NGEF: variants seen among roughly 807,000 people sequenced by gnomAD.
The protein encoded by NGEF is ephexin-1.
A neutral mutation model predicts 80.9 loss-of-function variants in NGEF; 31 were observed. The observed-to-expected ratio is 0.38, with a 90% CI of 0.29 to 0.52. NGEF has a LOEUF of 0.52. Ranked by LOEUF, NGEF falls within the 20% of genes least tolerant of loss-of-function variation. The probability of loss-of-function intolerance (pLI) is 0.84; values close to 1 mark genes in which losing one functional copy is unlikely to be tolerated. For missense variants in NGEF, 709 were observed against 926.2 expected, an observed-to-expected ratio of 0.77 and a Z score of 3.04; for synonymous variants, 371 against 370.2, an observed-to-expected ratio of 1.00 and a Z score of -0.03.
intron 5 of NGEF, among the ~76,000 whole-genome samples, chr2:232,908,929 T>G (rs1044085105): frequency 6.6e-6 from 1 of 152,210 alleles, no homozygotes; most frequent in Non-Finnish European, 1.5e-5. Flanking sequence ...CATGTTTATC[T>G]TACAACCAGC....
chr2:233,001,594 C>T (rs915310998), intron 1 of NGEF, among the ~76,000 whole-genome samples: 13 of 152,198 alleles, frequency 8.5e-5, no homozygotes, highest in Admixed American at 5.9e-4. Context: ...TGAGGTCGTG[C>T]GGGCCATGGG....
At chr2:232,985,389 G>A (rs1694510530) in intron 1 of NGEF, among the ~76,000 whole-genome samples, 1 of 152,106 alleles carries the variant, frequency 6.6e-6, no homozygotes. Flanking sequence ...GGCCGAGGCG[G>A]GCAGATCACC....
At chr2:232,948,993 G>A (rs1356664182) in intron 3 of NGEF, among the ~76,000 whole-genome samples, 1 of 151,968 alleles carries the variant, frequency 6.6e-6, no homozygotes, top group East Asian at 1.9e-4. Flanking sequence ...ACTCCAGCCT[G>A]GGCAACAGAG....
chr2:232,890,657 C>A (rs565097301), intron 8 of NGEF, among the ~76,000 whole-genome samples: 42 of 152,270 alleles, frequency 2.8e-4, no homozygotes, highest in Non-Finnish European at 5.4e-4. Context: ...ACTCTCAGTC[C>A]TTCTCTCAGC....
intron 5 of NGEF, among the ~76,000 whole-genome samples, chr2:232,904,888 A>G (rs889210517): frequency 6.6e-6 from 1 of 152,188 alleles, no homozygotes; most frequent in African/African-American, 2.4e-5. Flanking sequence ...GGCTTCAGTG[A>G]GCTGTGATCG....
intron 7 of NGEF, 61 bp from the exon 8 acceptor site, chr2:232,891,548 C>T: frequency 7.8e-6 from 12 of 1,540,102 alleles, no homozygotes; most frequent in Middle Eastern, 2.0e-4. Flanking sequence ...CTGGAGACTC[C>T]TCCTCCCCAT....
chr2:232,962,007 A>G (rs1554219), intron 3 of NGEF, among the ~76,000 whole-genome samples: 2,394 of 152,286 alleles, frequency 0.016, 65 homozygotes, highest in African/African-American at 0.055. Context: ...TCTTATAAAG[A>G]TGGAAAGATG....
intron 1 of NGEF, among the ~76,000 whole-genome samples, chr2:232,993,153 A>ATATATAT (rs1559238286): frequency 1.2e-5 from 1 of 85,028 alleles, no homozygotes; most frequent in Admixed American, 1.3e-4. Context: ...ATATATGGGC[A>ATATATAT]AATATATATA....
chr2:232,990,334 C>G (rs1230353229), intron 1 of NGEF, among the ~76,000 whole-genome samples: 2 of 151,916 alleles, frequency 1.3e-5, no homozygotes, highest in Non-Finnish European at 2.9e-5. Flanking sequence ...TACAAACAAC[C>G]TATATAAAGG....
chr2:232,946,928 A>AGAAAACAAACC (rs79708270), intron 3 of NGEF, among the ~76,000 whole-genome samples: 45,066 of 151,528 alleles, frequency 0.3, 7,447 homozygotes, highest in Middle Eastern at 0.42. Flanking sequence ...AAAACAAACC[A>AGAAAACAAACC]AAAAACAAAG....
At chr2:232,923,079 A>G (rs1692979044) in intron 4 of NGEF, among the ~76,000 whole-genome samples, 1 of 151,904 alleles carries the variant, frequency 6.6e-6, no homozygotes, top group Admixed American at 6.6e-5. Context: ...TCAGAAAAAA[A>G]AACAAAAAAC....
chr2:232,881,577 A>G (rs1691506297), intron 13 of NGEF, among the ~76,000 whole-genome samples: 1 of 152,042 alleles, frequency 6.6e-6, no homozygotes, highest in Non-Finnish European at 1.5e-5. Context: ...GCTTCTCCAT[A>G]AGGCAGCTGA....
At chr2:232,946,508 G>C (rs1304957205) in intron 3 of NGEF, among the ~76,000 whole-genome samples, 1 of 152,172 alleles carries the variant, frequency 6.6e-6, no homozygotes, top group African/African-American at 2.4e-5. Flanking sequence ...ATTGGAATTA[G>C]GGTATTCATG....
chr2:232,887,079 T>TG (rs1178367567), intron 9 of NGEF, among the ~76,000 whole-genome samples: 2 of 152,222 alleles, frequency 1.3e-5, no homozygotes, highest in African/African-American at 2.4e-5. Flanking sequence ...TGGCTGAGAA[T>TG]GACCATCAGA....
intron 1 of NGEF, among the ~76,000 whole-genome samples, chr2:232,975,771 ATTC>A (rs1344781435): frequency 6.6e-6 from 1 of 152,120 alleles, no homozygotes; most frequent in East Asian, 1.9e-4. Context: ...CGAGCTAGGA[ATTC>A]TTCTCAGCTC....
intron 13 of NGEF, among the ~76,000 whole-genome samples, chr2:232,881,852 C>T (rs142432354): frequency 1.9e-3 from 297 of 152,326 alleles, no homozygotes; most frequent in African/African-American, 6.9e-3. Flanking sequence ...TCTGAGATTA[C>T]AGGCATGAGC....
chr2:232,985,834 G>A (rs1404705725), intron 1 of NGEF, among the ~76,000 whole-genome samples: 3 of 151,936 alleles, frequency 2.0e-5, no homozygotes, highest in Non-Finnish European at 4.4e-5. Context: ...AGCTACTTGG[G>A]AGGCTGAGGC....
intron 11 of NGEF, among the ~76,000 whole-genome samples, 164 bp from the exon 12 acceptor site, chr2:232,883,630 G>A (rs916871254): frequency 2.0e-5 from 3 of 152,138 alleles, no homozygotes; most frequent in African/African-American, 4.8e-5. Context: ...CACCCCAAAA[G>A]GGTGACCCAT....
chr2:232,892,895 C>T lies in NGEF; in HGVS notation c.1142+3G>A. The T allele has an allele frequency of 3.1e-6, 5 of 1,612,342 alleles. No individual in the cohort carries two copies. Among genetic ancestry groups the T allele is most frequent in the Non-Finnish European group, 4.2e-6 (5 of 1,179,334 alleles). ...CCCTGAGCCCCTTGCCGGATACACT[C>T]ACAGCAGCTGCTTATAGGTCCGCTC... On this transcript the variant is annotated splice_donor_region_variant and intron_variant, in intron 7 of 14. Coordinates refer to ENST00000264051, the MANE Select transcript of NGEF (RefSeq NM_019850.3). This position sits in a 1 kb window ranked among gnomAD's most constrained non-coding sequence, Gnocchi z 4.0.
Sources: allele counts gnomAD v4.1 joint callset (sites outside exome capture counted in the v4.1 genomes callset), GRCh38; gene constraint gnomAD v4.1.1; non-coding constraint Gnocchi (gnomAD v3.1); transcripts MANE v1.5; gene names NCBI Gene and HGNC (gene_info 2026-07-23, HGNC 2026-07-21).